The following GFRAL variants were observed in gnomAD, a reference collection of about 807,000 sequenced individuals.
GFRAL encodes GDNF family receptor alpha-like.
Under a neutral mutation model 45.4 loss-of-function variants are expected in GFRAL, and 36 were observed. The ratio of observed to expected loss-of-function variants is 0.79; its 90% CI spans 0.61 to 1.05. The LOEUF (loss-of-function observed/expected upper bound fraction) is 1.05. Among genes scored for constraint, GFRAL ranks in the 50% least tolerant of loss-of-function variants. GFRAL has a pLI of 0.00. For missense variants in GFRAL, 507 were observed against 467.5 expected (o/e 1.08, Z -0.78); for synonymous variants, 166 against 154.1 (o/e 1.08, Z -0.57).
At chr6:55,401,141 A>T (rs1031682934) in intron 8 of GFRAL, among the ~76,000 whole-genome samples, 1 of 152,146 alleles carries the variant, frequency 6.6e-6, no homozygotes, top group Non-Finnish European at 1.5e-5. Context: ...AAATGTTTTG[A>T]ATTTATTCTA....
chr6:55,341,149 C>T (rs934575242), intron 3 of GFRAL, among the ~76,000 whole-genome samples: 1 of 152,154 alleles, frequency 6.6e-6, no homozygotes, highest in Non-Finnish European at 1.5e-5. Flanking sequence ...CTTAAATGTC[C>T]CTGTTTGACA....
intron 5 of GFRAL, among the ~76,000 whole-genome samples, chr6:55,353,824 T>A (rs1168985777): frequency 6.6e-6 from 1 of 152,100 alleles, no homozygotes; most frequent in East Asian, 1.9e-4. Context: ...TAATGGTATC[T>A]TCTGAAATCA....
intron 1 of GFRAL, among the ~76,000 whole-genome samples, chr6:55,328,617 AG>A (rs1219949869): frequency 6.6e-6 from 1 of 151,812 alleles, no homozygotes; most frequent in African/African-American, 2.4e-5. Flanking sequence ...ATATTTCTTT[AG>A]TTCTTTTTTG....
At chr6:55,347,324 GT>G (rs1337516116) in intron 3 of GFRAL, among the ~76,000 whole-genome samples, 1 of 152,116 alleles carries the variant, frequency 6.6e-6, no homozygotes, top group Non-Finnish European at 1.5e-5. Context: ...TCAATGTCAG[GT>G]CTAGAAGTCG....
At chr6:55,332,150 A>AT (rs549165976) in intron 2 of GFRAL, among the ~76,000 whole-genome samples, 21 of 151,884 alleles carry the variant, frequency 1.4e-4, no homozygotes, top group African/African-American at 3.4e-4. Context: ...CCATGGCACT[A>AT]TTTTTTTTCA....
chr6:55,400,699 G>A (rs1502201), intron 8 of GFRAL, among the ~76,000 whole-genome samples: 103,418 of 151,974 alleles, frequency 0.68, 35,635 homozygotes, highest in East Asian at 0.78. Flanking sequence ...AAGACATTCC[G>A]TGGGTTCTAA....
chr6:55,391,794 C>G (rs1210757651), intron 6 of GFRAL, among the ~76,000 whole-genome samples: 1 of 152,168 alleles, frequency 6.6e-6, no homozygotes, highest in Non-Finnish European at 1.5e-5. Flanking sequence ...CCTAAAATGA[C>G]TGACTGGGAG....
intron 6 of GFRAL, among the ~76,000 whole-genome samples, chr6:55,390,866 C>T (rs978144384): frequency 2.0e-4 from 29 of 145,924 alleles, no homozygotes; most frequent in African/African-American, 5.6e-4. Flanking sequence ...CCAGCCTCGG[C>T]GACAGAGCGA....
chr6:55,334,534 C>T (rs927109493), intron 3 of GFRAL, among the ~76,000 whole-genome samples: 5 of 152,168 alleles, frequency 3.3e-5, no homozygotes, highest in African/African-American at 1.2e-4. Context: ...CTAAAGTCAA[C>T]AGTTTCCAGT....
intron 1 of GFRAL, among the ~76,000 whole-genome samples, chr6:55,329,655 G>A (rs1767806212): frequency 6.6e-6 from 1 of 151,976 alleles, no homozygotes; most frequent in Admixed American, 6.6e-5. Flanking sequence ...GGCTAGATGA[G>A]GTTGTCCATG....
chr6:55,363,830 T>A (rs1429948937), intron 6 of GFRAL, among the ~76,000 whole-genome samples: 1 of 151,574 alleles, frequency 6.6e-6, no homozygotes, highest in Non-Finnish European at 1.5e-5. Context: ...CTTAATCCAG[T>A]CTATCATTGT....
chr6:55,379,559 G>A (rs1158183963), intron 6 of GFRAL, among the ~76,000 whole-genome samples: 1 of 113,180 alleles, frequency 8.8e-6, no homozygotes, highest in African/African-American at 3.4e-5. Flanking sequence ...CCATATGCAA[G>A]ATGATGTTTT....
At chr6:55,362,488 C>G (rs1768289473) in intron 6 of GFRAL, among the ~76,000 whole-genome samples, 1 of 151,940 alleles carries the variant, frequency 6.6e-6, no homozygotes, top group Admixed American at 6.6e-5. Flanking sequence ...TCACCAACCT[C>G]CACTTACCTA....
chr6:55,358,117 G>A (rs1245214029), intron 5 of GFRAL, among the ~76,000 whole-genome samples: 1 of 151,648 alleles, frequency 6.6e-6, no homozygotes, highest in Non-Finnish European at 1.5e-5. Context: ...ATGTGACTTT[G>A]GTTTTTTAAC....
intron 3 of GFRAL, among the ~76,000 whole-genome samples, chr6:55,342,700 C>T (rs1767985164): frequency 6.6e-6 from 1 of 151,976 alleles, no homozygotes; most frequent in East Asian, 1.9e-4. Flanking sequence ...TGTAAATGGG[C>T]TAAATGCTCC....
At chr6:55,385,782 C>T (rs1180010464) in intron 6 of GFRAL, among the ~76,000 whole-genome samples, 3 of 151,972 alleles carry the variant, frequency 2.0e-5, no homozygotes, top group Non-Finnish European at 4.4e-5. Flanking sequence ...AAAGAAGAGC[C>T]TAAGAAGCCA....
chr6:55,400,489 T>A (rs1581764029), intron 8 of GFRAL, among the ~76,000 whole-genome samples: 1 of 152,296 alleles, frequency 6.6e-6, no homozygotes, highest in Non-Finnish European at 1.5e-5. Flanking sequence ...AAGACTGGCA[T>A]GAGAAGGTGT....
intron 5 of GFRAL, among the ~76,000 whole-genome samples, chr6:55,355,406 C>T (rs961019716): frequency 1.3e-5 from 2 of 151,946 alleles, no homozygotes; most frequent in African/African-American, 4.8e-5. Context: ...TATGCCATTG[C>T]ATGGATGTAG....
chr6:55,396,581 A>T (rs1768827681), intron 6 of GFRAL, among the ~76,000 whole-genome samples: 1 of 152,082 alleles, frequency 6.6e-6, no homozygotes, highest in South Asian at 2.1e-4. Context: ...ATAGAACTTA[A>T]AAAGAAGTAA....
Sources: allele counts gnomAD v4.1 joint callset (sites outside exome capture counted in the v4.1 genomes callset), GRCh38; gene constraint gnomAD v4.1.1; transcripts MANE v1.5; gene names NCBI Gene and HGNC (gene_info 2026-07-23, HGNC 2026-07-21).